Variants in PRIMPOL observed in about 807,000 individuals in gnomAD.
PRIMPOL encodes the protein DNA-directed primase/polymerase protein.
A neutral mutation model predicts 63.6 loss-of-function variants in PRIMPOL; 54 were observed. That is an observed-to-expected ratio of 0.85 (90% CI 0.68 to 1.07). The LOEUF (loss-of-function observed/expected upper bound fraction) is 1.07, where lower values mean the gene tolerates loss of function less well. PRIMPOL is among the 50% of genes least tolerant of loss of function. The probability of loss-of-function intolerance (pLI) is 0.00; values close to 1 mark genes in which losing one functional copy is unlikely to be tolerated. For missense variants in PRIMPOL, 610 were observed against 648.3 expected, an observed-to-expected ratio of 0.94 and a Z score of 0.64; for synonymous variants, 197 against 220.2, an observed-to-expected ratio of 0.89 and a Z score of 0.93.
chr4:184,652,636 T>A (rs1195149118), intron 2 of PRIMPOL, among the ~76,000 whole-genome samples: 2 of 152,200 alleles, frequency 1.3e-5, no homozygotes, highest in East Asian at 3.8e-4. Context: ...ACATACTTTA[T>A]AATAAATACT....
In PRIMPOL at chr4:184,662,053, TG is replaced by T. The variant is rs910164493; in HGVS notation, c.408+151del. ...GACTTTAGGATTTTTTAATATTACT[TG>T]TATGAGTAAACTGTGAAAAGGAAGG... is the stretch of plus-strand genomic sequence containing the variant. On this transcript the variant is annotated intron_variant, in intron 5 of 13. Transcript: ENST00000314970. 7 of 622,362 alleles carry T rather than the reference TG, an allele frequency of 1.1e-5. No individual in the cohort carries two copies. In the African/African-American group the frequency reaches 1.3e-4, roughly 12 times the overall value. 38.6% of individuals were successfully genotyped at this position (622,362 alleles called of 1,614,324 possible).
At position 184,654,038 on chromosome 4, in the gene PRIMPOL, G is replaced by A. The variant is rs560340703; in HGVS notation, c.-60+1938G>A. On this transcript the variant is annotated intron_variant, in intron 2 of 13. Transcript: ENST00000314970. The stretch of plus-strand genomic sequence containing the variant: ...CTGAACTTCTCTTTCTTCTTCTGTT[G>A]ATGCTCATGGTTTCCCCAGTTCAGT... Among the ~76,000 whole-genome samples, 144 of 152,314 alleles carry A rather than the reference G, an allele frequency of 9.5e-4. 3 individuals are homozygous for A. The highest frequency in any genetic ancestry group is 3.2e-3 in the African/African-American group (133 of 41,570).
chr4:184,688,369 G>C (rs1757552288), intron 11 of PRIMPOL, among the ~76,000 whole-genome samples: 1 of 152,222 alleles, frequency 6.6e-6, no homozygotes, highest in Admixed American at 6.5e-5. Flanking sequence ...TCATCTGGCA[G>C]ATGTAAAACA....
intron 5 of PRIMPOL, among the ~76,000 whole-genome samples, chr4:184,665,661 C>T (rs112121617): frequency 8.1e-4 from 123 of 152,050 alleles, no homozygotes; most frequent in African/African-American, 2.7e-3. Flanking sequence ...CCTGCCACCA[C>T]GCCTGGCTAA....
intron 6 of PRIMPOL, among the ~76,000 whole-genome samples, chr4:184,671,930 CG>C (rs1278274905): frequency 6.6e-6 from 1 of 151,584 alleles, no homozygotes; most frequent in Non-Finnish European, 1.5e-5. Context: ...TTAGTAGAGA[CG>C]GGGTTTCACC....
At chr4:184,686,020 T>C (rs1418641994) in intron 11 of PRIMPOL, among the ~76,000 whole-genome samples, 1 of 152,188 alleles carries the variant, frequency 6.6e-6, no homozygotes, top group Non-Finnish European at 1.5e-5. Flanking sequence ...CAGGCTGGTC[T>C]CGAACTCCTG....
chr4:184,671,244 A>C (rs1213246637), intron 6 of PRIMPOL, among the ~76,000 whole-genome samples: 1 of 152,144 alleles, frequency 6.6e-6, no homozygotes, highest in Non-Finnish European at 1.5e-5. Flanking sequence ...TCGTGTGCCC[A>C]GTTTGAGGCA....
intron 13 of PRIMPOL, among the ~76,000 whole-genome samples, chr4:184,692,737 C>A (rs776135301): frequency 1.4e-4 from 21 of 151,964 alleles, no homozygotes; most frequent in Admixed American, 6.6e-4. Context: ...GGATATTAGA[C>A]CTCCACAGAT....
intron 11 of PRIMPOL, among the ~76,000 whole-genome samples, chr4:184,687,382 T>G (rs1757263153): frequency 6.6e-6 from 1 of 151,700 alleles, no homozygotes; most frequent in South Asian, 2.1e-4. Context: ...ATAACACACT[T>G]GTATACGCAC....
chr4:184,694,222 C>CTTGT (rs1331332955), intron 13 of PRIMPOL: 12 of 1,092,182 alleles, frequency 1.1e-5, no homozygotes, highest in African/African-American at 1.6e-5. Flanking sequence ...GGACTGTCCA[C>CTTGT]TTGTTAAAAA....
At chr4:184,658,991 A>G (rs1747473315) in intron 3 of PRIMPOL, among the ~76,000 whole-genome samples, 1 of 152,142 alleles carries the variant, frequency 6.6e-6, no homozygotes, top group Non-Finnish European at 1.5e-5. Context: ...ATCATTTATA[A>G]TAATAAGTAG....
At chr4:184,650,235 C>G (rs141740844) in intron 1 of PRIMPOL, among the ~76,000 whole-genome samples, 1 of 152,322 alleles carries the variant, frequency 6.6e-6, no homozygotes, top group Non-Finnish European at 1.5e-5. Context: ...GTTAAGCATC[C>G]CACAACAAAG....
intron 11 of PRIMPOL, 116 bp downstream of exon 11, chr4:184,685,800 T>A (rs1481931050): frequency 5.3e-6 from 3 of 561,942 alleles, no homozygotes; most frequent in African/African-American, 4.0e-5. Flanking sequence ...TTAGTTGTAT[T>A]AAATTTCTTT....
At chr4:184,651,320 T>C (rs932111371) in intron 1 of PRIMPOL, among the ~76,000 whole-genome samples, 2 of 151,968 alleles carry the variant, frequency 1.3e-5, no homozygotes, top group African/African-American at 4.8e-5. Flanking sequence ...GGTTAAGTAG[T>C]TTGCTGTTGC....
At position 184,685,469 on chromosome 4, in the gene PRIMPOL, C is replaced by G; in HGVS notation, c.1157C>G (p.Ser386Cys). The part of the protein sequence containing the change: ...PYPEVDHFVL[S>C]LVNKDGIKGG... ...CCTGAAGTTGATCATTTTGTTCTTT[C>G]TTTGGTGAATAAAGATGGCATTAAA... Residue 386 changes from serine (S) to cysteine (C), a missense_variant, in exon 10 of 14, where the codon TCT (serine) becomes TGT (cysteine). Ser to Cys is a moderately radical substitution (Grantham distance 112). Transcript: ENST00000314970. 6.2e-7 allele frequency: 1 copy of G among 1,612,534 alleles called. No homozygotes were observed. The highest frequency in any genetic ancestry group is 2.2e-5 in the East Asian group (1 of 44,816).
At chr4:184,690,211 C>G (rs1024870793) in intron 11 of PRIMPOL, among the ~76,000 whole-genome samples, 1 of 152,086 alleles carries the variant, frequency 6.6e-6, no homozygotes, top group African/African-American at 2.4e-5. Context: ...TTTTCTGTTG[C>G]TTTTTAAGTT....
At chr4:184,689,239 T>C (rs1757814690) in intron 11 of PRIMPOL, among the ~76,000 whole-genome samples, 1 of 151,834 alleles carries the variant, frequency 6.6e-6, no homozygotes, top group Admixed American at 6.6e-5. Flanking sequence ...AATTTTTAAA[T>C]TTTTTGTAGG....
rs185203745 is a variant in PRIMPOL at position 184,665,854 on chromosome 4, T to G, written c.409-63T>G. On this transcript the variant is annotated intron_variant, in intron 5 of 13. Transcript: ENST00000314970. Reference sequence around the variant, plus strand: ...TAGATGATATATAAAGAGATGCTTATTGCTTATAGAAAAATTTTAAAACAA... The same window carrying G: ...TAGATGATATATAAAGAGATGCTTAGTGCTTATAGAAAAATTTTAAAACAA... The G allele has an allele frequency of 1.1e-4, 123 of 1,121,834 alleles. No individual in the cohort carries two copies. In the African/African-American group the frequency reaches 1.6e-3, roughly 15 times the overall value. 69.5% of individuals were successfully genotyped at this position (1,121,834 alleles called of 1,614,324 possible).
chr4:184,650,169 G>C (rs1311812954), intron 1 of PRIMPOL, among the ~76,000 whole-genome samples: 2 of 152,346 alleles, frequency 1.3e-5, no homozygotes, highest in East Asian at 3.9e-4. Context: ...TGACACACAG[G>C]CTCAAGCCGC....
Sources: gnomAD v4.1 joint callset for allele counts (sites outside exome capture counted in the v4.1 genomes callset) on GRCh38, gnomAD v4.1.1 for gene constraint, MANE v1.5 for transcripts, NCBI Gene and HGNC (gene_info 2026-07-23, HGNC 2026-07-21) for gene names.